The following ATP8A1 variants were observed in gnomAD, a reference collection of about 807,000 sequenced individuals.
ATP8A1 encodes the protein phospholipid-transporting ATPase IA.
A neutral mutation model predicts 177.7 loss-of-function variants in ATP8A1; 90 were observed. The ratio of observed to expected loss-of-function variants is 0.51; its 90% confidence interval spans 0.43 to 0.60. The LOEUF (loss-of-function observed/expected upper bound fraction) is 0.60. Among genes scored for constraint, ATP8A1 ranks in the 20% least tolerant of loss-of-function variants. The pLI, the probability that ATP8A1 is intolerant of heterozygous loss-of-function variation, is 0.00. For synonymous variants in ATP8A1, 493 were observed against 485.9 expected (o/e 1.01, Z -0.19); for missense variants, 1,072 against 1,392.8 (o/e 0.77, Z 3.67).
chr4:42,495,096 G>A (rs1323277407), intron 24 of ATP8A1, among the ~76,000 whole-genome samples: 1 of 152,186 alleles, frequency 6.6e-6, no homozygotes. Context: ...TGTTTTGGTG[G>A]TTTGAGGCTC....
intron 16 of ATP8A1, 83 bp downstream of exon 16, chr4:42,555,885 C>T (rs977109869): frequency 2.3e-6 from 2 of 866,690 alleles, no homozygotes; most frequent in African/African-American, 3.5e-5. Flanking sequence ...AAAAGAGAAA[C>T]ATGTAAACAT....
intron 33 of ATP8A1, among the ~76,000 whole-genome samples, chr4:42,431,452 T>C (rs1715295397): frequency 6.6e-6 from 1 of 152,002 alleles, no homozygotes; most frequent in Admixed American, 6.6e-5. Flanking sequence ...ATTTCTCTCA[T>C]TTTTGTCAAA....
At chr4:42,541,219 C>T (rs1728355176) in intron 20 of ATP8A1, among the ~76,000 whole-genome samples, 1 of 151,994 alleles carries the variant, frequency 6.6e-6, no homozygotes, top group African/African-American at 2.4e-5. Context: ...GGCAAAAGAT[C>T]TGAAGATACC....
At chr4:42,628,644 C>T (rs1401889427) in intron 1 of ATP8A1, among the ~76,000 whole-genome samples, 2 of 148,098 alleles carry the variant, frequency 1.4e-5, no homozygotes, top group African/African-American at 4.9e-5. Context: ...TTTCCCTACA[C>T]CATGTTCTAA....
At chr4:42,555,920 ATTAGTT>A in intron 16 of ATP8A1, 42 bp downstream of exon 16, 5 of 1,249,128 alleles carry the variant, frequency 4.0e-6, no homozygotes, top group Non-Finnish European at 5.8e-6. Context: ...AGAAACATTC[ATTAGTT>A]TTTATTCACT....
chr4:42,555,112 T>TCTAC (rs1729951634), intron 16 of ATP8A1, among the ~76,000 whole-genome samples: 1 of 95,080 alleles, frequency 1.1e-5, no homozygotes, highest in Non-Finnish European at 2.1e-5. Context: ...TATCTATCTA[T>TCTAC]CTATCTATCT....
chr4:42,560,735 C>T lies in ATP8A1; in HGVS notation c.1341-4695G>A, dbSNP rs111516391. ...TGTTTAACTACATAACATGCACATA[C>T]AGGGAATTTCTTTATTTAGGAGCTG... On this transcript the variant is annotated intron_variant, in intron 15 of 36. Transcript: ENST00000381668. Among the ~76,000 whole-genome samples, 1,358 of 152,016 alleles carry T rather than the reference C, an allele frequency of 8.9e-3. 19 individuals carry two copies. Among genetic ancestry groups the T allele is most frequent in the African/African-American group, 0.03 (1,262 of 41,454 alleles).
chr4:42,562,156 G>T (rs1012750384), intron 15 of ATP8A1: 6 of 152,162 alleles, frequency 3.9e-5, no homozygotes, highest in African/African-American at 1.2e-4. Flanking sequence ...TTGGAGGTCG[G>T]GTGAACACAT....
intron 11 of ATP8A1, among the ~76,000 whole-genome samples, chr4:42,579,510 C>T (rs1420633972): frequency 2.0e-5 from 3 of 150,358 alleles, no homozygotes; most frequent in Admixed American, 6.6e-5. Flanking sequence ...TAGTTAACCA[C>T]CTATGTTAAA....
At chr4:42,622,915 A>G (rs931635639) in intron 4 of ATP8A1, among the ~76,000 whole-genome samples, 22 of 151,570 alleles carry the variant, frequency 1.5e-4, no homozygotes, top group Non-Finnish European at 1.2e-4. Flanking sequence ...AGGCTGAGGC[A>G]GGAGAATCGC....
At chr4:42,630,420 G>A (rs964552544) in intron 1 of ATP8A1, among the ~76,000 whole-genome samples, 4 of 152,114 alleles carry the variant, frequency 2.6e-5, no homozygotes, top group African/African-American at 4.8e-5. Context: ...AAACTCTGAC[G>A]CTTTTATGTC....
chr4:42,439,982 C>T (rs902057886), intron 33 of ATP8A1, among the ~76,000 whole-genome samples: 1 of 152,178 alleles, frequency 6.6e-6, no homozygotes, highest in African/African-American at 2.4e-5. Flanking sequence ...CTTCTCTGTG[C>T]CTCAATTTCC....
chr4:42,438,425 T>G (rs559634009), intron 33 of ATP8A1, among the ~76,000 whole-genome samples: 3 of 152,316 alleles, frequency 2.0e-5, no homozygotes, highest in African/African-American at 7.2e-5. Flanking sequence ...TTCTATTTAA[T>G]AGTTTTTTTA....
At chr4:42,552,460 A>G in intron 17 of ATP8A1, 45 bp downstream of exon 17, 2 of 1,473,056 alleles carry the variant, frequency 1.4e-6, no homozygotes, top group Non-Finnish European at 1.9e-6. Context: ...TTACATTCAG[A>G]ACAATTTTCC....
intron 6 of ATP8A1, among the ~76,000 whole-genome samples, chr4:42,598,237 T>C (rs1176592867): frequency 1.3e-5 from 2 of 152,166 alleles, no homozygotes; most frequent in African/African-American, 4.8e-5. Flanking sequence ...GACTTAGATA[T>C]AAATATTCAA....
chr4:42,546,945 C>A (rs1728998142), intron 19 of ATP8A1, among the ~76,000 whole-genome samples: 1 of 152,172 alleles, frequency 6.6e-6, no homozygotes, highest in Non-Finnish European at 1.5e-5. Flanking sequence ...ATGGCTTAAT[C>A]TTCAGCCTTC....
chr4:42,504,000 C>G (rs1438485671), intron 23 of ATP8A1, among the ~76,000 whole-genome samples: 1 of 152,194 alleles, frequency 6.6e-6, no homozygotes, highest in Non-Finnish European at 1.5e-5. Context: ...GTTGCACTTA[C>G]TGCAGGGCAA....
chr4:42,448,160 C>CA (rs1287666909), intron 30 of ATP8A1, among the ~76,000 whole-genome samples: 4 of 151,658 alleles, frequency 2.6e-5, no homozygotes, highest in Non-Finnish European at 5.9e-5. Context: ...CCAAAGCAAA[C>CA]AAAAAAATAA....
chr4:42,551,352 TTAAGG>T, intron 17 of ATP8A1, 72 bp from the exon 18 acceptor site: 2 of 1,018,948 alleles, frequency 2.0e-6, no homozygotes, highest in Non-Finnish European at 3.1e-6. Flanking sequence ...GAGAAGTACA[TTAAGG>T]TAATATAATT....
Sources: gnomAD v4.1 joint callset for allele counts (sites outside exome capture counted in the v4.1 genomes callset) on GRCh38, gnomAD v4.1.1 for gene constraint, MANE v1.5 for transcripts, NCBI Gene and HGNC (gene_info 2026-07-23, HGNC 2026-07-21) for gene names.